The following UGGT1 variants were observed in gnomAD, a reference collection of about 807,000 sequenced individuals.
UGGT1 encodes the protein UDP-glucose:glycoprotein glucosyltransferase 1.
A neutral mutation model predicts 203.9 loss-of-function variants in UGGT1; 107 were observed. That is an observed-to-expected ratio of 0.52 (90% CI 0.45 to 0.62). The LOEUF is 0.62. Among genes scored for constraint, UGGT1 ranks in the 20% least tolerant of loss-of-function variants. The pLI is 0.00. For synonymous variants in UGGT1, 628 were observed against 653.5 expected (o/e 0.96, Z 0.59); for missense variants, 1,673 against 1,867.2 (o/e 0.90, Z 1.92).
At chr2:128,104,487 G>C (rs1256468247) in intron 3 of UGGT1, among the ~76,000 whole-genome samples, 1 of 152,140 alleles carries the variant, frequency 6.6e-6, no homozygotes, top group Non-Finnish European at 1.5e-5. Flanking sequence ...TGATTATCCT[G>C]TAAAACCTCA....
Position 128,113,108 on chromosome 2 carries a change from A to G in UGGT1, c.546A>G (p.Gly182=). The G allele has an allele frequency of 6.3e-7, 1 of 1,599,046 alleles. No individual in the cohort carries two copies. The highest frequency in any genetic ancestry group is 8.5e-7 in the Non-Finnish European group (1 of 1,172,050). ...GACCCAAACCTTTATTGTTCAAAGGAGATCACAGATATCCCTCGTCTAATC... is the reference window on the plus strand; with the variant it reads ...GACCCAAACCTTTATTGTTCAAAGGGGATCACAGATATCCCTCGTCTAATC... ...SERPKPLLFK[G]DHRYPSSNPE... is the part of the protein sequence containing the mutation. The change falls in exon 6 of 41, where the codon GGA becomes GGG. Residue 182 remains glycine (G), a synonymous_variant. Coordinates refer to ENST00000259253, the MANE Select transcript of UGGT1 (RefSeq NM_020120.4).
chr2:128,187,911 A>G (rs1343814252), intron 40 of UGGT1, among the ~76,000 whole-genome samples: 1 of 151,754 alleles, frequency 6.6e-6, no homozygotes. Flanking sequence ...TACATAAACC[A>G]AACCTTTTGC....
chr2:128,150,158 C>T (rs1451848224), intron 18 of UGGT1, among the ~76,000 whole-genome samples: 2 of 152,036 alleles, frequency 1.3e-5, no homozygotes, highest in East Asian at 1.9e-4. Flanking sequence ...TGTTATCAGC[C>T]AGTTGTGGTG....
intron 5 of UGGT1, among the ~76,000 whole-genome samples, chr2:128,111,162 G>A (rs1468377713): frequency 6.6e-6 from 1 of 152,160 alleles, no homozygotes; most frequent in Non-Finnish European, 1.5e-5. Context: ...AGACCAACCG[G>A]TGCAACAAAG....
At chr2:128,174,574 T>C (rs1423681725) in intron 30 of UGGT1, among the ~76,000 whole-genome samples, 199 bp from the exon 31 acceptor site, 1 of 152,224 alleles carries the variant, frequency 6.6e-6, no homozygotes, top group East Asian at 1.9e-4. Flanking sequence ...GTGCTGGGAT[T>C]ACAGGCGTGA....
intron 2 of UGGT1, among the ~76,000 whole-genome samples, chr2:128,098,067 G>T (rs1262056309): frequency 3.3e-5 from 5 of 152,192 alleles, no homozygotes. Flanking sequence ...TCGCCATGTT[G>T]GCCAGGCTGG....
intron 5 of UGGT1, among the ~76,000 whole-genome samples, chr2:128,111,595 T>C (rs1178774241): frequency 6.6e-6 from 1 of 151,950 alleles, no homozygotes; most frequent in Non-Finnish European, 1.5e-5. Context: ...AAGCTCCGCC[T>C]CCCAGGTTCA....
In UGGT1 at chr2:128,121,283, T is replaced by C. The variant is rs1305896309; in HGVS notation, c.1058T>C (p.Phe353Ser). 6.2e-7 allele frequency: 1 copy of C among 1,611,142 alleles called. No homozygotes were observed. The highest frequency in any genetic ancestry group is 1.1e-5 in the South Asian group (1 of 90,298). The change falls in exon 10 of 41, where the codon TTT becomes TCT. Residue 353 changes from phenylalanine (F) to serine (S), a missense_variant. By Grantham distance (155) the Phe-to-Ser change is radical. Coordinates refer to ENST00000259253, the MANE Select transcript of UGGT1 (RefSeq NM_020120.4). ...GTCATGAAGGATCTTAGTCAGAATT[T>C]TCCTACCAAAGCCAGGTAATGTAGA... ...LVVMKDLSQN[F>S]PTKARAITKT...
intron 25 of UGGT1, among the ~76,000 whole-genome samples, chr2:128,163,407 A>G (rs185535015): frequency 9.7e-4 from 134 of 137,450 alleles, no homozygotes; most frequent in Middle Eastern, 4.0e-3. Flanking sequence ...TTAGTTCAAG[A>G]TCTTTTTCAG....
chr2:128,099,401 C>T (rs564305312), intron 2 of UGGT1, among the ~76,000 whole-genome samples: 1 of 152,282 alleles, frequency 6.6e-6, no homozygotes, highest in Admixed American at 6.5e-5. Context: ...GCCTTGGCCT[C>T]CCAAAGTGGT....
At chr2:128,097,388 A>G (rs746372604) in intron 1 of UGGT1, 41 bp from the exon 2 acceptor site, 1 of 1,577,192 alleles carries the variant, frequency 6.3e-7, no homozygotes. Flanking sequence ...AAAAAAAAAA[A>G]TTTCCTTGTA....
chr2:128,180,821 C>A, intron 35 of UGGT1, 69 bp from the exon 36 acceptor site: 1 of 1,497,994 alleles, frequency 6.7e-7, no homozygotes, highest in Non-Finnish European at 9.1e-7. Context: ...TGGTGGTTGG[C>A]TTACATTATG....
chr2:128,172,863 A>G, intron 29 of UGGT1, 101 bp downstream of exon 29: 1 of 1,135,260 alleles, frequency 8.8e-7, no homozygotes, highest in Non-Finnish European at 1.2e-6. Flanking sequence ...TTCAGGTATG[A>G]TATTTTTTTA....
intron 26 of UGGT1, among the ~76,000 whole-genome samples, chr2:128,165,066 T>C (rs1405841647): frequency 6.6e-6 from 1 of 152,198 alleles, no homozygotes; most frequent in Non-Finnish European, 1.5e-5. Context: ...TAACTCTGAG[T>C]GCACCCTTGT....
intron 38 of UGGT1, among the ~76,000 whole-genome samples, chr2:128,185,199 C>CTTT (rs1216222009): frequency 4.4e-5 from 6 of 136,270 alleles, no homozygotes; most frequent in Non-Finnish European, 6.4e-5. Context: ...TTGTTTCTCT[C>CTTT]TTTTTTTTTT....
At chr2:128,109,349 G>A (rs773997155) in intron 4 of UGGT1, among the ~76,000 whole-genome samples, 1 of 152,180 alleles carries the variant, frequency 6.6e-6, no homozygotes, top group South Asian at 2.1e-4. Context: ...GACTACAGGC[G>A]TATGCCACTG....
At chr2:128,138,214 C>T (rs1689226607) in intron 15 of UGGT1, among the ~76,000 whole-genome samples, 1 of 152,112 alleles carries the variant, frequency 6.6e-6, no homozygotes, top group African/African-American at 2.4e-5. Flanking sequence ...TGAGAGCCTG[C>T]TTTTTTATTA....
In UGGT1 at chr2:128,091,218, C is replaced by A; in HGVS notation, c.-140C>A. On this transcript the variant is annotated 5_prime_UTR_variant, in exon 1 of 41. Coordinates refer to ENST00000259253, the MANE Select transcript of UGGT1 (RefSeq NM_020120.4). ...GGCCGGCAGCTGGGCAATTGCTTTG[C>A]GAGGCTGGGTGTTGAGTCGAGCCGC... The A allele has an allele frequency of 7.4e-6, 7 of 942,778 alleles. No individual in the cohort carries two copies. Among genetic ancestry groups the A allele is most frequent in the Non-Finnish European group, 9.0e-6 (6 of 666,734 alleles). The allele number at this position is 942,778 out of a possible 1,614,324, so 58.4% of individuals were successfully genotyped here. A position where few individuals can be genotyped will look rare whatever the true frequency, so the allele number is the denominator to read the frequency against.
chr2:128,130,254 C>T (rs1053501602), intron 13 of UGGT1, among the ~76,000 whole-genome samples: 2 of 143,302 alleles, frequency 1.4e-5, no homozygotes, highest in African/African-American at 5.2e-5. Flanking sequence ...GAGCAAGACT[C>T]CGTCACAAAA....
Sources: gnomAD v4.1 joint callset for allele counts (sites outside exome capture counted in the v4.1 genomes callset) on GRCh38, gnomAD v4.1.1 for gene constraint, MANE v1.5 for transcripts, NCBI Gene and HGNC (gene_info 2026-07-23, HGNC 2026-07-21) for gene names.